Variants in NRXN3 observed in about 807,000 individuals in gnomAD.
NRXN3 encodes neurexin III.
Under a neutral mutation model 137.6 loss-of-function variants are expected in NRXN3, and 32 were observed. The observed-to-expected ratio is 0.23, with a 90% CI of 0.18 to 0.31. NRXN3 has a LOEUF of 0.31. NRXN3 is among the 10% of genes least tolerant of loss of function. NRXN3 has a pLI of 1.00. For missense variants in NRXN3, 1,574 were observed against 2,062.5 expected (o/e 0.76, Z 4.59); for synonymous variants, 798 against 784.5 (o/e 1.02, Z -0.29).
intron 16 of NRXN3, among the ~76,000 whole-genome samples, chr14:79,480,133 G>T (rs757821507): frequency 6.6e-6 from 1 of 152,080 alleles, no homozygotes; most frequent in African/African-American, 2.4e-5. Context: ...GTCATCCCTT[G>T]GTCTGTTAGC....
chr14:78,766,284 A>G (rs1410090850), intron 8 of NRXN3, among the ~76,000 whole-genome samples: 7 of 152,238 alleles, frequency 4.6e-5, no homozygotes, highest in African/African-American at 1.7e-4. Context: ...ATCAGGTTGT[A>G]TAAGCAAAGT....
chr14:78,892,206 G>C (rs1029524410), intron 10 of NRXN3, among the ~76,000 whole-genome samples: 1 of 151,920 alleles, frequency 6.6e-6, no homozygotes, highest in Non-Finnish European at 1.5e-5. Context: ...AGAACCACTG[G>C]GCACAGGAAC....
intron 8 of NRXN3, among the ~76,000 whole-genome samples, chr14:78,782,837 G>A (rs965967031): frequency 6.6e-6 from 1 of 152,266 alleles, no homozygotes; most frequent in Non-Finnish European, 1.5e-5. Context: ...TCATTGTGCT[G>A]GTGTAATCTG....
At chr14:79,383,961 A>T (rs1327614652) in intron 15 of NRXN3, among the ~76,000 whole-genome samples, 6 of 152,094 alleles carry the variant, frequency 3.9e-5, no homozygotes, top group Non-Finnish European at 8.8e-5. Context: ...TGCTATTCAA[A>T]TTAGGTCAGT....
chr14:78,834,728 A>G (rs1204395258), intron 10 of NRXN3, among the ~76,000 whole-genome samples: 1 of 152,120 alleles, frequency 6.6e-6, no homozygotes, highest in Non-Finnish European at 1.5e-5. Context: ...CCTTCTTGCT[A>G]ATAACCTGAA....
At chr14:78,227,658 C>T (rs2064853621) in intron 1 of NRXN3, among the ~76,000 whole-genome samples, 1 of 152,218 alleles carries the variant, frequency 6.6e-6, no homozygotes, top group African/African-American at 2.4e-5. Flanking sequence ...AGGCAGTTAA[C>T]ACCGAAGCAG....
rs1409028221 is a variant in NRXN3 at position 78,235,012 on chromosome 14, ATATATATATATGTGTATATATATATG to A, written c.-703-7377_-703-7352del. 8.1e-5 allele frequency among the ~76,000 whole-genome samples: 8 copies of A among 99,204 alleles called. No individual in the cohort carries two copies. In the East Asian group the frequency reaches 2.3e-3, roughly 29 times the overall value. The allele number at this position is 99,204 out of a possible 152,430, so 65.1% of individuals were successfully genotyped here. A position where few individuals can be genotyped will look rare whatever the true frequency, so the allele number is the denominator to read the frequency against. On this transcript the variant is annotated intron_variant, in intron 1 of 20. Coordinates refer to ENST00000335750, the MANE Select transcript of NRXN3 (RefSeq NM_001330195.2). The stretch of plus-strand genomic sequence containing the variant: ...AATGCTTTTATATATATATATATAT[ATATATATATATGTGTATATATATATG>A]TGTGTGTGTGTGTGTGTGTCTTTTT...
At chr14:79,787,501 T>C (rs10137829) in intron 19 of NRXN3, among the ~76,000 whole-genome samples, 14,973 of 152,264 alleles carry the variant, frequency 0.098, 850 homozygotes, top group South Asian at 0.16. Flanking sequence ...AATCTACTTC[T>C]CCTGTCTGAA....
chr14:78,461,262 A>G (rs1399121091), intron 4 of NRXN3, among the ~76,000 whole-genome samples: 1 of 152,222 alleles, frequency 6.6e-6, no homozygotes. Flanking sequence ...GTACTAGAGA[A>G]TTGCATATTG....
At chr14:79,546,739 C>T (rs540567184) in intron 16 of NRXN3, among the ~76,000 whole-genome samples, 2 of 152,244 alleles carry the variant, frequency 1.3e-5, no homozygotes, top group South Asian at 4.1e-4. Context: ...TCCTGATATA[C>T]ACATTTATCA....
At chr14:78,948,970 T>C (rs31437) in intron 10 of NRXN3, among the ~76,000 whole-genome samples, 41,642 of 151,990 alleles carry the variant, frequency 0.27, 8,494 homozygotes, top group African/African-American at 0.56. Context: ...CTTTGCTCTG[T>C]CTCTTGATTC....
At position 78,628,105 on chromosome 14, in the gene NRXN3, C is replaced by T. The variant is rs776217458; in HGVS notation, c.758-17015C>T. Among the ~76,000 whole-genome samples, 20 of 148,604 alleles carry T rather than the reference C, an allele frequency of 1.3e-4. No homozygotes were observed. The Middle Eastern group carries it at 0.014, about 105-fold the overall frequency. On this transcript the variant is annotated intron_variant, in intron 4 of 20. Coordinates refer to ENST00000335750, the MANE Select transcript of NRXN3 (RefSeq NM_001330195.2). Reference sequence around the variant, plus strand: ...TTTTTTTTTAAGAGACCAAATCTTACGCTGTCACTCAGGCTGGAGTGCAGT... The same window carrying T: ...TTTTTTTTTAAGAGACCAAATCTTATGCTGTCACTCAGGCTGGAGTGCAGT...
intron 16 of NRXN3, among the ~76,000 whole-genome samples, chr14:79,473,992 C>T (rs1177485201): frequency 1.3e-5 from 2 of 152,146 alleles, no homozygotes; most frequent in Non-Finnish European, 2.9e-5. Context: ...TGTGTTTTCT[C>T]AGATCTCTAT....
At chr14:78,352,569 G>A (rs2083690777) in intron 4 of NRXN3, among the ~76,000 whole-genome samples, 2 of 152,192 alleles carry the variant, frequency 1.3e-5, no homozygotes, top group South Asian at 4.1e-4. Flanking sequence ...CGGGGTTGGG[G>A]AGGGGTGTGG....
chr14:78,298,307 T>C (rs1363501221), intron 4 of NRXN3, among the ~76,000 whole-genome samples: 1 of 152,176 alleles, frequency 6.6e-6, no homozygotes, highest in Admixed American at 6.5e-5. Context: ...TGTCTTCCCC[T>C]CCATTACACT....
At chr14:79,355,250 T>TCCCC (rs1566892730) in intron 15 of NRXN3, among the ~76,000 whole-genome samples, 1 of 148,560 alleles carries the variant, frequency 6.7e-6, no homozygotes, top group African/African-American at 2.6e-5. Flanking sequence ...GGCTTTTCTG[T>TCCCC]CCCCCACCCC....
At chr14:79,086,282 G>A (rs769236927) in intron 15 of NRXN3, among the ~76,000 whole-genome samples, 3 of 152,102 alleles carry the variant, frequency 2.0e-5, no homozygotes, top group South Asian at 2.1e-4. Flanking sequence ...TCTCAAGGCC[G>A]TGTATCTGGT....
chr14:78,726,591 C>T (rs2098484926), intron 8 of NRXN3, among the ~76,000 whole-genome samples: 1 of 146,456 alleles, frequency 6.8e-6, no homozygotes, highest in African/African-American at 2.5e-5. Context: ...AATCTCAGCT[C>T]ACTGCAACTC....
chr14:78,591,193 G>A (rs551217798), intron 4 of NRXN3, among the ~76,000 whole-genome samples: 54 of 152,188 alleles, frequency 3.5e-4, no homozygotes, highest in Non-Finnish European at 6.0e-4. Context: ...GTGGTCAGTT[G>A]CCATGGTTAG....
Sources: allele counts gnomAD v4.1 joint callset (sites outside exome capture counted in the v4.1 genomes callset), GRCh38; gene constraint gnomAD v4.1.1; transcripts MANE v1.5; gene names NCBI Gene and HGNC (gene_info 2026-07-23, HGNC 2026-07-21).